The following NHLRC2 variants were observed in gnomAD, a reference collection of about 807,000 sequenced individuals.
NHLRC2 encodes the protein NHL repeat containing 2, also known as NHL repeat-containing protein 2.
Under a neutral mutation model 68.1 loss-of-function variants are expected in NHLRC2, and 33 were observed. That is an observed-to-expected ratio of 0.48 (90% confidence interval 0.37 to 0.65). The LOEUF is 0.65. Among genes scored for constraint, NHLRC2 ranks in the 30% least tolerant of loss-of-function variants. The probability of loss-of-function intolerance (pLI) is 0.00; values close to 1 mark genes in which losing one functional copy is unlikely to be tolerated. For synonymous variants in NHLRC2, 311 were observed against 309.6 expected (o/e 1.00, Z -0.05); for missense variants, 761 against 853.8 (o/e 0.89, Z 1.35).
intron 2 of NHLRC2, among the ~76,000 whole-genome samples, chr10:113,871,333 T>C (rs1845923318): frequency 6.6e-6 from 1 of 152,190 alleles, no homozygotes; most frequent in Non-Finnish European, 1.5e-5. Flanking sequence ...CCTGAATCTT[T>C]TATTATTTGA....
chr10:113,858,766 A>T, intron 2 of NHLRC2, 86 bp downstream of exon 2: 1 of 882,496 alleles, frequency 1.1e-6, no homozygotes, highest in East Asian at 2.5e-5. Flanking sequence ...TAGGAGAATG[A>T]ACATTTGGCA....
intron 2 of NHLRC2, among the ~76,000 whole-genome samples, chr10:113,866,594 A>G (rs1161482677): frequency 6.6e-6 from 1 of 152,088 alleles, no homozygotes. Context: ...TGCTAGTATT[A>G]TCATATAGTA....
chr10:113,889,213 A>C (rs141988856), intron 5 of NHLRC2, among the ~76,000 whole-genome samples: 1 of 152,066 alleles, frequency 6.6e-6, no homozygotes, highest in Non-Finnish European at 1.5e-5. Flanking sequence ...AATCCCATTA[A>C]CCTTTCTTGG....
Position 113,861,225 on chromosome 10 carries a change from C to G in NHLRC2, c.331+2545C>G, listed in dbSNP as rs528042583. Reference sequence around the variant, plus strand: ...GACCTTGGAACACCATCAATCAGACCAGCATGTGCATTTTGGCAGAGAATA... The same window carrying G: ...GACCTTGGAACACCATCAATCAGACGAGCATGTGCATTTTGGCAGAGAATA... On this transcript the variant is annotated intron_variant, in intron 2 of 10. Coordinates refer to ENST00000369301, the MANE Select transcript of NHLRC2 (RefSeq NM_198514.4). Among the ~76,000 whole-genome samples, 53 of 152,214 alleles carry G rather than the reference C, an allele frequency of 3.5e-4. 1 individual carries two copies. In the South Asian group the frequency reaches 0.011, roughly 32 times the overall value.
chr10:113,897,520 C>T (rs886709557), intron 5 of NHLRC2, among the ~76,000 whole-genome samples: 4 of 152,234 alleles, frequency 2.6e-5, no homozygotes, highest in African/African-American at 9.6e-5. Flanking sequence ...CCAAGCATTA[C>T]TCTAAGTGCA....
intron 5 of NHLRC2, among the ~76,000 whole-genome samples, chr10:113,893,936 A>G (rs1336982935): frequency 6.6e-6 from 1 of 152,216 alleles, no homozygotes; most frequent in African/African-American, 2.4e-5. Flanking sequence ...AGAGTGGGAC[A>G]TTGATGTGAA....
intron 4 of NHLRC2, among the ~76,000 whole-genome samples, chr10:113,881,077 A>C (rs1846032728): frequency 6.6e-6 from 1 of 151,832 alleles, no homozygotes; most frequent in African/African-American, 2.4e-5. Context: ...GTGGTTTTTT[A>C]AATTACTAAA....
At chr10:113,860,339 T>C (rs1845803344) in intron 2 of NHLRC2, among the ~76,000 whole-genome samples, 1 of 152,188 alleles carries the variant, frequency 6.6e-6, no homozygotes, top group African/African-American at 2.4e-5. Flanking sequence ...GAATGGATCC[T>C]TATAATCTCC....
rs1845839550 is a variant in NHLRC2 at position 113,863,951 on chromosome 10, A to G, written c.331+5271A>G. 2.0e-5 allele frequency among the ~76,000 whole-genome samples: 3 copies of G among 152,360 alleles called. No individual in the cohort carries two copies. The South Asian group carries it at 6.2e-4, about 32-fold the overall frequency. On this transcript the variant is annotated intron_variant, in intron 2 of 10. Coordinates refer to ENST00000369301, the MANE Select transcript of NHLRC2 (RefSeq NM_198514.4). ...CCTGAATAGACCTATATCTGGTAGC[A>G]TTATTCTCAATAGCCAAGATTTAGA...
chr10:113,904,637 T>C (rs781622982), intron 9 of NHLRC2, among the ~76,000 whole-genome samples, 180 bp from the exon 10 acceptor site: 2 of 152,186 alleles, frequency 1.3e-5, no homozygotes, highest in Non-Finnish European at 2.9e-5. Context: ...TAAGATAAAC[T>C]TTCTCTGTGT....
At chr10:113,904,590 T>C (rs1406949580) in intron 9 of NHLRC2, among the ~76,000 whole-genome samples, 1 of 152,220 alleles carries the variant, frequency 6.6e-6, no homozygotes, top group Non-Finnish European at 1.5e-5. Context: ...ACTTTAATTC[T>C]GCCTCATTCA....
chr10:113,898,683 A>C (rs571438476), intron 6 of NHLRC2, among the ~76,000 whole-genome samples: 125 of 152,342 alleles, frequency 8.2e-4, no homozygotes, highest in African/African-American at 2.7e-3. Context: ...TAGTTGAACT[A>C]TCTCTAATCA....
At chr10:113,908,000 A>T (rs1846291152) in intron 10 of NHLRC2, among the ~76,000 whole-genome samples, 1 of 152,160 alleles carries the variant, frequency 6.6e-6, no homozygotes, top group South Asian at 2.1e-4. Flanking sequence ...CATATTTGCA[A>T]TATTCAGCTT....
chr10:113,898,156 G>C lies in NHLRC2; in HGVS notation c.1086G>C (p.Gly362=). The change falls in exon 6 of 11, where the codon GGG becomes GGC. Residue 362 remains glycine, a synonymous_variant. Transcript: ENST00000369301. The part of the protein sequence containing the change: ...RGDILWIAMA[G]THQIWALLLD... Reference sequence around the variant, plus strand: ...ACATTTTATGGATAGCCATGGCAGGGACTCATCAGATATGGGCACTCCTGC... The same window carrying C: ...ACATTTTATGGATAGCCATGGCAGGCACTCATCAGATATGGGCACTCCTGC... 1 of 1,613,162 alleles carries C rather than the reference G, an allele frequency of 6.2e-7. No homozygotes were observed. Among genetic ancestry groups the C allele is most frequent in the Non-Finnish European group, 8.5e-7 (1 of 1,179,234 alleles).
Position 113,901,870 on chromosome 10 carries a change from C to T in NHLRC2, c.1344C>T (p.His448=), listed in dbSNP as rs539942915. The T allele has an allele frequency of 6.2e-7, 1 of 1,613,330 alleles. No homozygotes were observed. The highest frequency in any genetic ancestry group is 1.1e-5 in the South Asian group (1 of 91,066). The change falls in exon 7 of 11, where the codon CAC becomes CAT. Residue 448 remains histidine, a synonymous_variant. Transcript: ENST00000369301. ...TVSLKDGAVK[H]LVGGERDPMN... ...CACTGAAAGATGGAGCAGTGAAGCA[C>T]CTCGTAGGAGGAGAAAGAGACCCCA...
intron 4 of NHLRC2, among the ~76,000 whole-genome samples, chr10:113,882,363 T>G (rs180731332): frequency 3.6e-4 from 55 of 151,938 alleles, no homozygotes; most frequent in African/African-American, 1.3e-3. Flanking sequence ...CCGTCACTTG[T>G]TATTTTTCAT....
chr10:113,899,394 C>T (rs1846208834), intron 6 of NHLRC2, among the ~76,000 whole-genome samples: 1 of 152,184 alleles, frequency 6.6e-6, no homozygotes, highest in African/African-American at 2.4e-5. Context: ...TTCAAAATAG[C>T]AGATATTCCA....
Position 113,906,176 on chromosome 10 carries a change from A to G in NHLRC2, c.1924+1140A>G, listed in dbSNP as rs1334753696. ...GCAGTGTATTAAATGGTGTCACTGT[A>G]GGAGCAGTGTACTAATTTTTAAAAT... On this transcript the variant is annotated intron_variant, in intron 10 of 10. Coordinates refer to ENST00000369301, the MANE Select transcript of NHLRC2 (RefSeq NM_198514.4). 2.6e-5 allele frequency among the ~76,000 whole-genome samples: 4 copies of G among 152,228 alleles called. No homozygotes were observed. The East Asian group carries it at 7.7e-4, about 29-fold the overall frequency.
intron 2 of NHLRC2, among the ~76,000 whole-genome samples, chr10:113,868,257 G>T (rs1589536544): frequency 1.3e-5 from 2 of 152,026 alleles, no homozygotes; most frequent in East Asian, 3.9e-4. Flanking sequence ...CTTCTTCCTT[G>T]CCCTCTTCTC....
Sources: allele counts gnomAD v4.1 joint callset (sites outside exome capture counted in the v4.1 genomes callset), GRCh38; gene constraint gnomAD v4.1.1; transcripts MANE v1.5; gene names NCBI Gene and HGNC (gene_info 2026-07-23, HGNC 2026-07-21).